ENTREP2: variants seen among roughly 807,000 people sequenced by gnomAD.
ENTREP2 encodes endosomal transmembrane epsin interactor 2.
chr15:29,132,432 T>G, the ENTREP2 span, among the ~76,000 whole-genome samples: 1 of 152,196 alleles, frequency 6.6e-6, no homozygotes, highest in Admixed American at 6.5e-5. Flanking sequence ...CACCAGATGC[T>G]GCCCTGCTGC....
the ENTREP2 span, among the ~76,000 whole-genome samples, chr15:29,207,162 T>A: frequency 7.9e-5 from 12 of 152,266 alleles, no homozygotes; most frequent in African/African-American, 2.6e-4. Context: ...AGATGCTGAA[T>A]GCAGTCCCTG....
the ENTREP2 span, among the ~76,000 whole-genome samples, chr15:29,540,845 A>G: frequency 6.6e-6 from 1 of 152,232 alleles, no homozygotes; most frequent in Admixed American, 6.5e-5. Context: ...CTTTCTCTAA[A>G]CAAAAGCATC....
the ENTREP2 span, among the ~76,000 whole-genome samples, chr15:29,402,858 C>A: frequency 6.6e-6 from 1 of 152,152 alleles, no homozygotes; most frequent in Admixed American, 6.5e-5. Context: ...CTATTAAAAC[C>A]CAAGCCAGCG....
the ENTREP2 span, among the ~76,000 whole-genome samples, chr15:29,158,439 T>C: frequency 2.6e-3 from 385 of 147,326 alleles, no homozygotes; most frequent in African/African-American, 7.9e-3. Flanking sequence ...GTAGTCTCAC[T>C]CTTTCGCCCA....
the ENTREP2 span, among the ~76,000 whole-genome samples, chr15:29,493,362 T>A: frequency 6.6e-6 from 1 of 151,268 alleles, no homozygotes; most frequent in East Asian, 2.0e-4. Context: ...CTCGATCTCC[T>A]GACCTCGTGA....
the ENTREP2 span, among the ~76,000 whole-genome samples, chr15:29,165,759 C>A: frequency 1.3e-5 from 2 of 152,060 alleles, no homozygotes; most frequent in Non-Finnish European, 2.9e-5. Flanking sequence ...GAATTGGTAC[C>A]AATCCTTTTG....
the ENTREP2 span, among the ~76,000 whole-genome samples, chr15:29,231,890 C>CTTTTTTTTTTTTTTTT: frequency 7.3e-6 from 1 of 136,838 alleles, no homozygotes; most frequent in Non-Finnish European, 1.5e-5. Context: ...CTTTTCTTTT[C>CTTTTTTTTTTTTTTTT]TTTCTTTTTT....
the ENTREP2 span, among the ~76,000 whole-genome samples, chr15:29,394,016 A>C: frequency 6.6e-6 from 1 of 152,182 alleles, no homozygotes; most frequent in Non-Finnish European, 1.5e-5. Flanking sequence ...AAGAAACTGT[A>C]AGACAAGGAT....
At chr15:29,269,487 G>C in the ENTREP2 span, 2 of 1,609,856 alleles carry the variant, frequency 1.2e-6, no homozygotes, top group South Asian at 2.2e-5. Context: ...CGGCGGGGGC[G>C]GCCTGGGCCC....
chr15:29,198,900 A>G, the ENTREP2 span, among the ~76,000 whole-genome samples: 4 of 152,250 alleles, frequency 2.6e-5, no homozygotes, highest in Non-Finnish European at 5.9e-5. Flanking sequence ...AAATTACAAG[A>G]TTCATCTACC....
chr15:29,133,705 C>A, the ENTREP2 span, among the ~76,000 whole-genome samples: 2 of 152,342 alleles, frequency 1.3e-5, no homozygotes, highest in Admixed American at 6.5e-5. Context: ...GTGCCTTTCT[C>A]CTGCCACCTG....
the ENTREP2 span, among the ~76,000 whole-genome samples, chr15:29,419,934 GA>G: frequency 6.6e-6 from 1 of 152,084 alleles, no homozygotes; most frequent in Non-Finnish European, 1.5e-5. Flanking sequence ...ATGACCTAGA[GA>G]AAAACCCAAA....
the ENTREP2 span, among the ~76,000 whole-genome samples, chr15:29,536,816 C>T: frequency 6.6e-6 from 1 of 151,924 alleles, no homozygotes; most frequent in Non-Finnish European, 1.5e-5. Flanking sequence ...ACAGGAGAGC[C>T]CCAGGTGAAG....
chr15:29,337,139 C>T, the ENTREP2 span, among the ~76,000 whole-genome samples: 3 of 152,184 alleles, frequency 2.0e-5, no homozygotes, highest in African/African-American at 7.2e-5. Context: ...GAATTCCCTG[C>T]AGCGTTCAAA....
chr15:29,570,940 G>C, the ENTREP2 span, among the ~76,000 whole-genome samples: 1 of 144,690 alleles, frequency 6.9e-6, no homozygotes, highest in African/African-American at 2.5e-5. Context: ...TGCCGCCGCC[G>C]CCGCGCCGCC....
chr15:29,534,337 C>A, the ENTREP2 span, among the ~76,000 whole-genome samples: 1 of 152,066 alleles, frequency 6.6e-6, no homozygotes, highest in African/African-American at 2.4e-5. Flanking sequence ...ATAAATGTGG[C>A]TCATGAATTC....
the ENTREP2 span, among the ~76,000 whole-genome samples, chr15:29,342,450 G>A: frequency 4.6e-5 from 7 of 152,278 alleles, no homozygotes; most frequent in Non-Finnish European, 7.4e-5. Flanking sequence ...ATAGTGCGAC[G>A]AAGTCTCCCT....
chr15:29,158,390 T>C, the ENTREP2 span, among the ~76,000 whole-genome samples: 3 of 147,138 alleles, frequency 2.0e-5, no homozygotes, highest in African/African-American at 7.5e-5. Context: ...TTGGCTTAAA[T>C]GACATTATCT....
At chr15:29,474,324 C>T in the ENTREP2 span, among the ~76,000 whole-genome samples, 7 of 152,250 alleles carry the variant, frequency 4.6e-5, no homozygotes, top group East Asian at 7.8e-4. Flanking sequence ...AGGCTGCGCC[C>T]GGCGTCAGGG....
Sources: gnomAD v4.1 joint callset for allele counts (sites outside exome capture counted in the v4.1 genomes callset) on GRCh38, gnomAD v4.1.1 for gene constraint, MANE v1.5 for transcripts, NCBI Gene and HGNC (gene_info 2026-07-23, HGNC 2026-07-21) for gene names.